Variants in SRPRB observed in about 807,000 individuals in gnomAD.
SRPRB encodes SRP receptor subunit beta.
In SRPRB, 20 loss-of-function variants were observed where a neutral mutation model predicts 31.9. The observed-to-expected ratio is 0.63, with a 90% CI of 0.44 to 0.91. The LOEUF is 0.91. Ranked by LOEUF, SRPRB falls within the 40% of genes least tolerant of loss-of-function variation. SRPRB has a pLI of 0.00. For missense variants in SRPRB, 321 were observed against 324.9 expected (o/e 0.99, Z 0.09); for synonymous variants, 146 against 132.8 (o/e 1.10, Z -0.68).
At chr3:133,804,169 T>A (rs1477236596), upstream of SRPRB, among the ~76,000 whole-genome samples, 1 of 150,624 alleles carries the variant, frequency 6.6e-6, no homozygotes, top group East Asian at 2.0e-4. Context: ...TTGCCCAGGC[T>A]GGTCTTGAAT....
Position 133,819,830 on chromosome 3 carries a change from A to T in SRPRB, c.*64A>T. ...ACAGTTTTGGAAAAAGGTCTGTGGT[A>T]GTCTGGAGTTGATGAGGAAGGGGTA... On this transcript the variant is annotated 3_prime_UTR_variant, in exon 7 of 7. Coordinates refer to ENST00000678299, the MANE Select transcript of SRPRB (RefSeq NM_001379313.1). 2 of 1,459,310 alleles carry T rather than the reference A, an allele frequency of 1.4e-6. No homozygotes were observed. Among genetic ancestry groups the T allele is most frequent in the East Asian group, 4.8e-5 (2 of 41,552 alleles). 90.4% of individuals were successfully genotyped at this position (1,459,310 alleles called of 1,614,324 possible).
At chr3:133,819,510 T>C (rs373069453) in intron 6 of SRPRB, 43 bp from the exon 7 acceptor site, 2 of 1,570,924 alleles carry the variant, frequency 1.3e-6, no homozygotes, top group Non-Finnish European at 1.7e-6. Context: ...TTAATTGCTG[T>C]ATAAAAATTT....
chr3:133,801,546 C>T (rs1935062531), upstream of SRPRB, among the ~76,000 whole-genome samples: 2 of 152,182 alleles, frequency 1.3e-5, no homozygotes, highest in African/African-American at 2.4e-5. Flanking sequence ...CCACGGCAGC[C>T]CTCTTCATTC....
upstream of SRPRB, among the ~76,000 whole-genome samples, chr3:133,801,015 A>T (rs945969029): frequency 3.3e-5 from 5 of 152,210 alleles, no homozygotes; most frequent in African/African-American, 1.2e-4. Context: ...GGCTTTCATT[A>T]TTGCTTGAGT....
chr3:133,803,999 G>C (rs1199022914), upstream of SRPRB, among the ~76,000 whole-genome samples: 8 of 149,314 alleles, frequency 5.4e-5, no homozygotes, highest in South Asian at 1.5e-3. Flanking sequence ...GGGAGGCTGA[G>C]GCAGGAGAAT....
chr3:133,805,478 G>C (rs1257830038), upstream of SRPRB: 3 of 178,104 alleles, frequency 1.7e-5, no homozygotes, highest in Admixed American at 6.2e-5. Flanking sequence ...TTTGTAGGAT[G>C]CTTGAGTTCT....
chr3:133,804,109 A>G (rs1935106974), upstream of SRPRB, among the ~76,000 whole-genome samples: 3 of 150,694 alleles, frequency 2.0e-5, no homozygotes, highest in Admixed American at 2.0e-4. Context: ...AAAAAAAAAA[A>G]AAAAAAAGAA....
chr3:133,784,482 A>T (rs1430148512), intron 1 of SRPRB: 1 of 142,506 alleles, frequency 7.0e-6, no homozygotes, highest in Non-Finnish European at 1.5e-5. Flanking sequence ...AATAATAATA[A>T]TAATAATAAT....
chr3:133,824,030 CATG>C (rs970412216), downstream of SRPRB, among the ~76,000 whole-genome samples: 45 of 152,290 alleles, frequency 3.0e-4, no homozygotes, highest in African/African-American at 1.0e-3. Flanking sequence ...GATTTACTCT[CATG>C]AGTGTGTCCC....
chr3:133,804,867 T>C (rs762568338), upstream of SRPRB, among the ~76,000 whole-genome samples: 3 of 152,244 alleles, frequency 2.0e-5, no homozygotes, highest in Non-Finnish European at 4.4e-5. Flanking sequence ...AATTAAATAA[T>C]GTGTACATTT....
Position 133,811,149 on chromosome 3 carries a change from C to G in SRPRB, c.360C>G (p.Gly120=), listed in dbSNP as rs1271546644. 1.2e-6 allele frequency: 2 copies of G among 1,614,184 alleles called. No individual in the cohort carries two copies. Among genetic ancestry groups the G allele is most frequent in the South Asian group, 2.2e-5 (2 of 91,074 alleles). ...GNSLTLIDLP[G]HESLRLQFLE... Reference sequence around the variant, plus strand: ...GTCTGACCTTGATTGACCTTCCCGGCCATGAGAGTTTGAGGCTTCAGTTCT... The same window carrying G: ...GTCTGACCTTGATTGACCTTCCCGGGCATGAGAGTTTGAGGCTTCAGTTCT... The change falls in exon 4 of 7, where the codon GGC becomes GGG. Residue 120 remains glycine, a synonymous_variant. Coordinates refer to ENST00000678299, the MANE Select transcript of SRPRB (RefSeq NM_001379313.1).
intron 4 of SRPRB, among the ~76,000 whole-genome samples, chr3:133,812,633 T>C (rs1935297202): frequency 6.6e-6 from 1 of 152,236 alleles, no homozygotes; most frequent in Admixed American, 6.5e-5. Flanking sequence ...TAGTGGCTAT[T>C]TTCCCTCTCC....
downstream of SRPRB, chr3:133,828,026 G>T (rs1036220250): frequency 7.5e-5 from 53 of 702,210 alleles, no homozygotes; most frequent in East Asian, 1.4e-3. Flanking sequence ...AGTCCCTGAG[G>T]GCACAGAGAA....
chr3:133,818,925 AT>A (rs1935414372), intron 6 of SRPRB, among the ~76,000 whole-genome samples: 1 of 152,084 alleles, frequency 6.6e-6, no homozygotes, highest in African/African-American at 2.4e-5. Flanking sequence ...AAGAAAGAAG[AT>A]TGGCAGCATG....
chr3:133,826,958 T>C (rs1317202598), downstream of SRPRB: 1 of 152,674 alleles, frequency 6.5e-6, no homozygotes, highest in Non-Finnish European at 1.5e-5. Flanking sequence ...TACACACATA[T>C]AAAAACTAAA....
intron 1 of SRPRB, chr3:133,790,550 A>C (rs768463355): frequency 5.9e-5 from 9 of 152,268 alleles, no homozygotes; most frequent in Non-Finnish European, 8.8e-5. Context: ...TATTCTTTAA[A>C]ACCTGATAGA....
At position 133,820,433 on chromosome 3, in the gene SRPRB, C is replaced by T. The variant is rs1935451720; in HGVS notation, c.*667C>T. 1 of 152,996 alleles carries T rather than the reference C, an allele frequency of 6.5e-6. No homozygotes were observed. Among genetic ancestry groups the T allele is most frequent in the Non-Finnish European group, 1.5e-5 (1 of 68,672 alleles). The allele number at this position is 152,996 out of a possible 1,614,324, so 9.5% of individuals were successfully genotyped here. A position where few individuals can be genotyped will look rare whatever the true frequency, so the allele number is the denominator to read the frequency against. ...GATAATAGAACTGGAAATGATAAAT[C>T]CCCTAATGCCAAGGGTCTAGTGTGT... is the stretch of plus-strand genomic sequence containing the variant. On this transcript the variant is annotated 3_prime_UTR_variant, in exon 7 of 7. Transcript: ENST00000678299.
intron 6 of SRPRB, 31 bp downstream of exon 6, chr3:133,816,963 A>T: frequency 1.3e-6 from 2 of 1,580,114 alleles, no homozygotes; most frequent in Non-Finnish European, 1.7e-6. Context: ...TTGGTTAATT[A>T]TATATCTTAA....
At chr3:133,817,163 A>T (rs1209458492) in intron 6 of SRPRB, among the ~76,000 whole-genome samples, 1 of 152,206 alleles carries the variant, frequency 6.6e-6, no homozygotes, top group Non-Finnish European at 1.5e-5. Flanking sequence ...TTGAAACCAT[A>T]AACTTAATTT....
Sources: allele counts gnomAD v4.1 joint callset (sites outside exome capture counted in the v4.1 genomes callset), GRCh38; gene constraint gnomAD v4.1.1; transcripts MANE v1.5; gene names NCBI Gene and HGNC (gene_info 2026-07-23, HGNC 2026-07-21).